SEPTIN9: variants seen among roughly 807,000 people sequenced by gnomAD.
The protein encoded by SEPTIN9 is septin 9, also known as septin-9.
Under a neutral mutation model 56.6 loss-of-function variants are expected in SEPTIN9, and 13 were observed. That is an observed-to-expected ratio of 0.23 (90% confidence interval 0.15 to 0.37). The LOEUF is 0.37. SEPTIN9 is among the 10% of genes least tolerant of loss of function. The pLI, the probability that SEPTIN9 is intolerant of heterozygous loss-of-function variation, is 1.00. For synonymous variants in SEPTIN9, 332 were observed against 334.1 expected (o/e 0.99, Z 0.07); for missense variants, 650 against 823.1 (o/e 0.79, Z 2.57).
At chr17:77,459,686 C>T (rs2038373152) in intron 3 of SEPTIN9, among the ~76,000 whole-genome samples, 1 of 151,736 alleles carries the variant, frequency 6.6e-6, no homozygotes, top group African/African-American at 2.4e-5. Context: ...TGGCACGTCA[C>T]ATGGCGAGAG....
intron 3 of SEPTIN9, among the ~76,000 whole-genome samples, chr17:77,455,227 C>T (rs2038146235): frequency 6.6e-6 from 1 of 152,196 alleles, no homozygotes; most frequent in South Asian, 2.1e-4. Flanking sequence ...CAAGACTGCT[C>T]TTGGAACCCC....
rs950900062 is a variant in SEPTIN9 at position 77,435,680 on chromosome 17, C to T, written c.721+32977C>T. On this transcript the variant is annotated intron_variant, in intron 3 of 11. Coordinates refer to ENST00000427177, the MANE Select transcript of SEPTIN9 (RefSeq NM_001113491.2). This position sits in a 1 kb window ranked among gnomAD's most constrained non-coding sequence, Gnocchi z 4.5. ...GGCGGACGCTTTGGCACGAGGGTGGCGTTTCTGGTAATCCGTAGTGCTGTT... is the reference window on the plus strand; with the variant it reads ...GGCGGACGCTTTGGCACGAGGGTGGTGTTTCTGGTAATCCGTAGTGCTGTT... Among the ~76,000 whole-genome samples the T allele has an allele frequency of 7.9e-5, 12 of 152,302 alleles. No homozygotes were observed. The highest frequency in any genetic ancestry group is 2.0e-4 in the Admixed American group (3 of 15,302).
rs1442163100 is a variant in SEPTIN9 at position 77,445,431 on chromosome 17, C to G, written c.722-36713C>G. ...AAAGAGTTGGCAGGAAGGCTGAGCT[C>G]TGTGCTCACAACCTGGCTTGGTGGT... is the stretch of plus-strand genomic sequence containing the variant. On this transcript the variant is annotated intron_variant, in intron 3 of 11. Transcript: ENST00000427177. The surrounding 1 kb of genome is among the most constrained non-coding windows in gnomAD (Gnocchi z 4.7). The G allele has an allele frequency of 6.4e-6, 3 of 470,022 alleles. No homozygotes were observed. The highest frequency in any genetic ancestry group is 4.0e-5 in the African/African-American group (2 of 50,064). The allele number at this position is 470,022 out of a possible 1,614,324, so 29.1% of individuals were successfully genotyped here. A position where few individuals can be genotyped will look rare whatever the true frequency, so the allele number is the denominator to read the frequency against.
chr17:77,364,872 T>C (rs1183972453), intron 2 of SEPTIN9, among the ~76,000 whole-genome samples: 1 of 152,222 alleles, frequency 6.6e-6, no homozygotes, highest in African/African-American at 2.4e-5. Flanking sequence ...AGGGACAGTC[T>C]CAGCTGTGCA....
intron 2 of SEPTIN9, among the ~76,000 whole-genome samples, chr17:77,384,870 C>T (rs2143993181): frequency 1.3e-5 from 2 of 151,896 alleles, no homozygotes; most frequent in Admixed American, 1.3e-4. Context: ...CACACACACA[C>T]ACACACACAC....
At chr17:77,495,076 T>C (rs2040196348) in intron 10 of SEPTIN9, among the ~76,000 whole-genome samples, 1 of 152,206 alleles carries the variant, frequency 6.6e-6, no homozygotes, top group African/African-American at 2.4e-5. Context: ...TGGATGGGCC[T>C]GGGACGGGCC....
Position 77,497,357 on chromosome 17 carries a change from T to G in SEPTIN9, c.1616T>G (p.Leu539Arg). The change falls in exon 11 of 12, where the codon CTT becomes CGT. Residue 539 changes from leucine (L) to arginine (R), a missense_variant. Physicochemically the swap from Leu to Arg is moderately radical, Grantham distance 102. This residue lies in a region of SEPTIN9 where 333 missense variants were observed against 494.0 expected (regional missense o/e 0.67). Transcript: ENST00000427177. ...TGTGAGTTTGCCTACCTGCGGGACC[T>G]TCTCATCAGGTGAGAGACAGGGTGC... Reference protein sequence around the residue: ...THCEFAYLRDLLIRTHMQNIK... With the variant: ...THCEFAYLRDRLIRTHMQNIK... The G allele has an allele frequency of 6.2e-7, 1 of 1,613,808 alleles. No individual in the cohort carries two copies. Among genetic ancestry groups the G allele is most frequent in the Non-Finnish European group, 8.5e-7 (1 of 1,179,786 alleles).
intron 1 of SEPTIN9, among the ~76,000 whole-genome samples, chr17:77,292,964 A>G (rs2031634390): frequency 1.3e-5 from 2 of 152,178 alleles, no homozygotes; most frequent in South Asian, 4.1e-4. Flanking sequence ...AATGGGGTCT[A>G]ACCAGGAAAT....
At chr17:77,364,813 G>A (rs2034524275) in intron 2 of SEPTIN9, among the ~76,000 whole-genome samples, 1 of 152,252 alleles carries the variant, frequency 6.6e-6, no homozygotes, top group African/African-American at 2.4e-5. Context: ...CTGAGGTGGG[G>A]AGCAGAGCCC....
chr17:77,286,622 T>G (rs886336582), intron 1 of SEPTIN9, among the ~76,000 whole-genome samples: 3 of 152,188 alleles, frequency 2.0e-5, no homozygotes, highest in Non-Finnish European at 2.9e-5. Flanking sequence ...TGCCCTCCTC[T>G]GACACTCTCC....
rs530388294 is a variant in SEPTIN9 at position 77,319,421 on chromosome 17, C to T, written c.76+12224C>T. The T allele has an allele frequency of 4.0e-5, 18 of 453,876 alleles. No individual in the cohort carries two copies. Among genetic ancestry groups the T allele is most frequent in the African/African-American group, 1.9e-4 (9 of 47,762 alleles). The allele number at this position is 453,876 out of a possible 1,614,324, so 28.1% of individuals were successfully genotyped here. A position where few individuals can be genotyped will look rare whatever the true frequency, so the allele number is the denominator to read the frequency against. The stretch of plus-strand genomic sequence containing the variant: ...GGAAGACTCGCTCCCTCCCAGGGGA[C>T]GGCTAGAGACTCACTGACTCATGCG... On this transcript the variant is annotated intron_variant, in intron 2 of 11. Transcript: ENST00000427177. This position sits in a 1 kb window ranked among gnomAD's most constrained non-coding sequence, Gnocchi z 5.3.
intron 2 of SEPTIN9, among the ~76,000 whole-genome samples, chr17:77,383,263 C>T (rs553838502): frequency 6.6e-6 from 1 of 152,122 alleles, no homozygotes; most frequent in Admixed American, 6.5e-5. Flanking sequence ...TACCCACAGG[C>T]ACCTCCTGTG....
chr17:77,361,569 GT>G (rs373879271), intron 2 of SEPTIN9, among the ~76,000 whole-genome samples: 1,641 of 148,760 alleles, frequency 0.011, 29 homozygotes, highest in African/African-American at 0.038. Context: ...GGACAAAGCT[GT>G]TTTTTTTTTC....
rs1012717933 is a variant in SEPTIN9 at position 77,433,811 on chromosome 17, G to A, written c.721+31108G>A. ...CTCCTGGGTATCCCCTGCGCCCCCC[G>A]CCCCAGGCACTTGATGTTGCCTGTT... is the stretch of plus-strand genomic sequence containing the variant. On this transcript the variant is annotated intron_variant, in intron 3 of 11. Transcript: ENST00000427177. This position sits in a 1 kb window ranked among gnomAD's most constrained non-coding sequence, Gnocchi z 6.4. Among the ~76,000 whole-genome samples the A allele has an allele frequency of 1.3e-5, 2 of 151,638 alleles. No individual in the cohort carries two copies. Among genetic ancestry groups the A allele is most frequent in the African/African-American group, 2.4e-5 (1 of 41,300 alleles).
intron 2 of SEPTIN9, among the ~76,000 whole-genome samples, chr17:77,348,292 ATG>A (rs1491141035): frequency 6.9e-5 from 4 of 58,022 alleles, no homozygotes; most frequent in African/African-American, 2.8e-4. Context: ...ATTTTAATTT[ATG>A]TTTTTTTTTT....
Position 77,434,189 on chromosome 17 carries a change from C to T in SEPTIN9, c.721+31486C>T, listed in dbSNP as rs908355377. Among the ~76,000 whole-genome samples, 6 of 152,184 alleles carry T rather than the reference C, an allele frequency of 3.9e-5. No individual in the cohort carries two copies. The highest frequency in any genetic ancestry group is 2.0e-4 in the Admixed American group (3 of 15,280). ...TTAATCTGGGCAACCTTGCTTTGGC[C>T]TGCTGTCTGCGGAAAGTGCCCTAGG... On this transcript the variant is annotated intron_variant, in intron 3 of 11. Coordinates refer to ENST00000427177, the MANE Select transcript of SEPTIN9 (RefSeq NM_001113491.2). The surrounding 1 kb of genome is among the most constrained non-coding windows in gnomAD (Gnocchi z 5.0).
At position 77,354,286 on chromosome 17, in the gene SEPTIN9, G is replaced by A. The variant is rs187909703; in HGVS notation, c.76+47089G>A. 4.6e-3 allele frequency among the ~76,000 whole-genome samples: 704 copies of A among 152,280 alleles called. 2 individuals are homozygous for A. Among genetic ancestry groups the A allele is most frequent in the Non-Finnish European group, 5.8e-3 (394 of 68,024 alleles). ...AGGAAACAGGCGTAGAGGGATAAAGGGACTTGCCCAAGGTCTGTCTCTACC... is the reference window on the plus strand; with the variant it reads ...AGGAAACAGGCGTAGAGGGATAAAGAGACTTGCCCAAGGTCTGTCTCTACC... On this transcript the variant is annotated intron_variant, in intron 2 of 11. Coordinates refer to ENST00000427177, the MANE Select transcript of SEPTIN9 (RefSeq NM_001113491.2).
intron 2 of SEPTIN9, among the ~76,000 whole-genome samples, chr17:77,361,276 C>T (rs2143851809): frequency 1.3e-5 from 2 of 152,294 alleles, no homozygotes; most frequent in East Asian, 3.9e-4. Flanking sequence ...CTACTGATGT[C>T]TGTGTCAATA....
chr17:77,441,237 A>T (rs755846686), intron 3 of SEPTIN9, among the ~76,000 whole-genome samples: 6 of 152,074 alleles, frequency 3.9e-5, no homozygotes, highest in Non-Finnish European at 7.4e-5. Flanking sequence ...AGGGTTTCAG[A>T]ACCCCCACCC....
Sources: allele counts gnomAD v4.1 joint callset (sites outside exome capture counted in the v4.1 genomes callset), GRCh38; gene constraint gnomAD v4.1.1; regional missense constraint gnomAD v4.1.1; non-coding constraint Gnocchi (gnomAD v3.1); transcripts MANE v1.5; gene names NCBI Gene and HGNC (gene_info 2026-07-23, HGNC 2026-07-21).